The following SETD4 variants were observed in gnomAD, a reference collection of about 807,000 sequenced individuals.
The protein encoded by SETD4 is SET domain-containing protein 4.
SETD4 carries 46 observed loss-of-function variants against 58.3 expected under a neutral mutation model. That is an observed-to-expected ratio of 0.79 (90% CI 0.62 to 1.01). The LOEUF is 1.01. Ranked by LOEUF, SETD4 falls within the 50% of genes least tolerant of loss-of-function variation. The probability of loss-of-function intolerance (pLI) is 0.00; values close to 1 mark genes in which losing one functional copy is unlikely to be tolerated. For synonymous variants in SETD4, 190 were observed against 202.6 expected (o/e 0.94, Z 0.53); for missense variants, 490 against 523.3 (o/e 0.94, Z 0.62).
chr21:36,057,365 G>T, intron 2 of SETD4, 161 bp from the exon 3 acceptor site: 1 of 735,538 alleles, frequency 1.4e-6, no homozygotes, highest in Non-Finnish European at 2.5e-6. Flanking sequence ...CACAGTATTG[G>T]CCAGGCGCAA....
intron 10 of SETD4, among the ~76,000 whole-genome samples, chr21:36,037,653 A>G (rs1470079161): frequency 1.3e-5 from 2 of 151,592 alleles, no homozygotes; most frequent in Non-Finnish European, 2.9e-5. Flanking sequence ...AAAATAAAAA[A>G]TTGAGAGAAA....
rs1178914924 is a variant in SETD4 at position 36,045,604 on chromosome 21, A to C, written c.704T>G (p.Leu235Arg). ...TCALAPYLDLLNHSPHVQVKA... is the reference protein window; with the variant it reads ...TCALAPYLDLRNHSPHVQVKA... ...CACCTGGACATGTGGGCTATGATTCAGCAGGTCCAGGTACGGAGCGAGTGC... is the reference window on the plus strand; with the variant it reads ...CACCTGGACATGTGGGCTATGATTCCGCAGGTCCAGGTACGGAGCGAGTGC... Residue 235 changes from leucine to arginine, a missense_variant, in exon 6 of 12, where the codon CTG (leucine) becomes CGG (arginine). Leu to Arg is a moderately radical substitution (Grantham distance 102). Coordinates refer to ENST00000332131, the MANE Select transcript of SETD4 (RefSeq NM_017438.5). The C allele has an allele frequency of 2.5e-6, 4 of 1,613,778 alleles. No homozygotes were observed. The highest frequency in any genetic ancestry group is 3.3e-5 in the Admixed American group (2 of 60,002).
intron 7 of SETD4, chr21:36,042,318 G>C (rs1479261620): frequency 6.6e-6 from 1 of 152,260 alleles, no homozygotes; most frequent in Non-Finnish European, 1.5e-5. Flanking sequence ...AAAACTTAAA[G>C]TAAATATGCA....
In SETD4 at chr21:36,050,707, G is replaced by A; in HGVS notation, c.208-2311C>T. 2.5e-6 allele frequency: 4 copies of A among 1,611,504 alleles called. No homozygotes were observed. In the South Asian group the frequency reaches 4.4e-5, roughly 18 times the overall value. ...GTAGTAAAGAATACGCGGGGTCATA[G>A]AGGTAAAGCTGTTTTCTTGGCTCGA... is the stretch of plus-strand genomic sequence containing the variant. On this transcript the variant is annotated intron_variant, in intron 4 of 11. Transcript: ENST00000332131.
rs562065156 is a variant in SETD4, at chr21:36,035,276, C to T, written c.*717G>A. 119 of 152,534 alleles carry T rather than the reference C, an allele frequency of 7.8e-4. 1 individual carries two copies. The highest frequency in any genetic ancestry group is 1.3e-4 in the Admixed American group (2 of 15,296). 9.4% of individuals were successfully genotyped at this position (152,534 alleles called of 1,614,324 possible). On this transcript the variant is annotated 3_prime_UTR_variant, in exon 12 of 12. Transcript: ENST00000332131. The stretch of plus-strand genomic sequence containing the variant: ...CAGAAGCCAAACCACCACCATGGTT[C>T]GCCATCAGCTGACCTACACTGAACC...
intron 9 of SETD4, among the ~76,000 whole-genome samples, chr21:36,039,329 A>G (rs1208441542): frequency 6.6e-6 from 1 of 152,214 alleles, no homozygotes; most frequent in Admixed American, 6.5e-5. Flanking sequence ...CCCCAGCCAG[A>G]GCCCCACACG....
intron 3 of SETD4, among the ~76,000 whole-genome samples, chr21:36,056,524 T>G (rs1313728069): frequency 6.6e-6 from 1 of 152,138 alleles, no homozygotes; most frequent in East Asian, 1.9e-4. Flanking sequence ...CTGCCCAACT[T>G]CTGTGAGAGA....
intron 4 of SETD4, chr21:36,050,163 A>T: frequency 2.2e-6 from 2 of 928,442 alleles, no homozygotes; most frequent in Non-Finnish European, 3.6e-6. Context: ...ATCAACTGGT[A>T]GATGTTACAT....
intron 2 of SETD4, chr21:36,057,617 C>T (rs1406223874): frequency 9.7e-6 from 4 of 412,086 alleles, no homozygotes; most frequent in African/African-American, 4.1e-5. Flanking sequence ...GGCTTTCATA[C>T]AGGAATTAAC....
At chr21:36,036,001 G>T in intron 11 of SETD4, 41 bp from the exon 12 acceptor site, 1 of 1,311,806 alleles carries the variant, frequency 7.6e-7, no homozygotes, top group Non-Finnish European at 1.1e-6. Flanking sequence ...GTTCCTAATT[G>T]TTGAGTAGAC....
At position 36,036,395 on chromosome 21, in the gene SETD4, C is replaced by T. The variant is rs1225774097; in HGVS notation, c.1189-144G>A. 7 of 867,994 alleles carry T rather than the reference C, an allele frequency of 8.1e-6. No homozygotes were observed. The Admixed American group carries it at 9.6e-5, about 12-fold the overall frequency. 53.8% of individuals were successfully genotyped at this position (867,994 alleles called of 1,614,324 possible). On this transcript the variant is annotated intron_variant, in intron 10 of 11. Transcript: ENST00000332131. ...CATTGTTTAGATCCACTGCCACTCT[C>T]CAGCTCCAGAACTTTTTCTATCACC... is the stretch of plus-strand genomic sequence containing the variant.
chr21:36,045,926 G>A lies in SETD4; in HGVS notation c.382C>T (p.Pro128Ser), dbSNP rs2064305627. 1 of 1,614,196 alleles carries A rather than the reference G, an allele frequency of 6.2e-7. No individual in the cohort carries two copies. Among genetic ancestry groups the A allele is most frequent in the Non-Finnish European group, 8.5e-7 (1 of 1,180,044 alleles). Residue 128 changes from proline to serine, a missense_variant, in exon 6 of 12, where the codon CCT (proline) becomes TCT (serine). Physicochemically the swap from Pro to Ser is moderately conservative, Grantham distance 74 (BLOSUM62 -1). Transcript: ENST00000332131. ...KHAGHRSLWK[P>S]YLEILPKAYT... Reference sequence around the variant, plus strand: ...GCCTTGGGTAAAATCTCCAGGTAAGGCTTCCAAAGAGATCGGTGCCCAGCA... The same window carrying A: ...GCCTTGGGTAAAATCTCCAGGTAAGACTTCCAAAGAGATCGGTGCCCAGCA...
chr21:36,039,687 A>G (rs1414932064), intron 9 of SETD4, among the ~76,000 whole-genome samples: 1 of 152,266 alleles, frequency 6.6e-6, no homozygotes, highest in African/African-American at 2.4e-5. Flanking sequence ...AGAAGGAAAC[A>G]TCGGTTAAAG....
rs1421246219 is a variant in SETD4, at chr21:36,057,293, CAG to C, written c.74-91_74-90del. 3.1e-6 allele frequency: 3 copies of C among 968,992 alleles called. No homozygotes were observed. The African/African-American group carries it at 4.8e-5, about 16-fold the overall frequency. 60.0% of individuals were successfully genotyped at this position (968,992 alleles called of 1,614,324 possible). A position where few individuals can be genotyped will look rare whatever the true frequency, so the allele number is the denominator to read the frequency against. ...AAAGAACATGTCTGATGAAATGTGTCAGACAGACTTACACAATAGTAAGAATT... is the reference window on the plus strand; with the variant it reads ...AAAGAACATGTCTGATGAAATGTGTCACAGACTTACACAATAGTAAGAATT... On this transcript the variant is annotated intron_variant, in intron 2 of 11. Transcript: ENST00000332131.
At chr21:36,057,811 T>C (rs2065062449) in intron 2 of SETD4, among the ~76,000 whole-genome samples, 1 of 152,230 alleles carries the variant, frequency 6.6e-6, no homozygotes. Context: ...ACGTAAATTT[T>C]TGACAAAGTG....
At chr21:36,058,758 A>G (rs1013823863) in intron 2 of SETD4, 58 bp downstream of exon 2, 3 of 1,526,640 alleles carry the variant, frequency 2.0e-6, no homozygotes, top group African/African-American at 2.8e-5. Context: ...GTATGAACAA[A>G]CAAGCAATCA....
chr21:36,047,589 T>C (rs910384232), intron 5 of SETD4, among the ~76,000 whole-genome samples: 2 of 152,254 alleles, frequency 1.3e-5, no homozygotes, highest in African/African-American at 4.8e-5. Context: ...TTTACATATA[T>C]TATCCCATTT....
chr21:36,053,550 A>C, intron 4 of SETD4, 33 bp downstream of exon 4: 1 of 1,612,890 alleles, frequency 6.2e-7, no homozygotes, highest in South Asian at 1.1e-5. Context: ...CAAAATCTAC[A>C]TTGGGTTTCA....
chr21:36,036,719 A>T (rs542447075), intron 10 of SETD4: 3 of 763,874 alleles, frequency 3.9e-6, no homozygotes, highest in East Asian at 2.6e-4. Context: ...GCTTGAAGTC[A>T]CACAGTAACT....
Sources: allele counts gnomAD v4.1 joint callset (sites outside exome capture counted in the v4.1 genomes callset), GRCh38; gene constraint gnomAD v4.1.1; transcripts MANE v1.5; gene names NCBI Gene and HGNC (gene_info 2026-07-23, HGNC 2026-07-21).